TYK2: variants seen among roughly 807,000 people sequenced by gnomAD.
The protein encoded by TYK2 is tyrosine kinase 2.
In TYK2, 65 loss-of-function variants were observed where a neutral mutation model predicts 130.9. The ratio of observed to expected loss-of-function variants is 0.50; its 90% CI spans 0.41 to 0.61. The LOEUF (loss-of-function observed/expected upper bound fraction) is 0.61. Ranked by LOEUF, TYK2 falls within the 20% of genes least tolerant of loss-of-function variation. TYK2 has a pLI of 0.00. For missense variants in TYK2, 1,378 were observed against 1,610.7 expected, an observed-to-expected ratio of 0.86 and a Z score of 2.47; for synonymous variants, 647 against 658.9, an observed-to-expected ratio of 0.98 and a Z score of 0.28.
In TYK2 at chr19:10,364,843, G is replaced by A; in HGVS notation, c.1209+8C>T. The A allele has an allele frequency of 6.2e-7, 1 of 1,614,016 alleles. No individual in the cohort carries two copies. Among genetic ancestry groups the A allele is most frequent in the Non-Finnish European group, 8.5e-7 (1 of 1,180,028 alleles). ...GGGCCCTAGCCCAGCCCCTACCCTG[G>A]GCCTCACCAGGCACTTGTTGTCCTG... On this transcript the variant is annotated splice_region_variant and intron_variant, in intron 8 of 24. Transcript: ENST00000525621. This position sits in a 1 kb window ranked among gnomAD's most constrained non-coding sequence, Gnocchi z 4.9.
At chr19:10,368,262 G>A in intron 4 of TYK2, 33 bp downstream of exon 4, 1 of 1,614,192 alleles carries the variant, frequency 6.2e-7, no homozygotes, top group Non-Finnish European at 8.5e-7. Flanking sequence ...TTCAGCACAG[G>A]AGGGGACGAG....
At position 10,361,408 on chromosome 19, in the gene TYK2, C is replaced by T; in HGVS notation, c.2047+103G>A. 8.0e-6 allele frequency: 9 copies of T among 1,131,108 alleles called. No individual in the cohort carries two copies. Among genetic ancestry groups the T allele is most frequent in the Non-Finnish European group, 1.2e-5 (9 of 777,618 alleles). The allele number at this position is 1,131,108 out of a possible 1,614,324, so 70.1% of individuals were successfully genotyped here. A position where few individuals can be genotyped will look rare whatever the true frequency, so the allele number is the denominator to read the frequency against. On this transcript the variant is annotated intron_variant, in intron 14 of 24. Transcript: ENST00000525621. The surrounding 1 kb of genome is among the most constrained non-coding windows in gnomAD (Gnocchi z 4.0). ...GTACAGGTGAGAGTTGAGAAATAGG[C>T]ATAGGTTGGGGTGTAGGTCGAGGGT...
intron 3 of TYK2, among the ~76,000 whole-genome samples, chr19:10,377,593 T>TA (rs2042188326): frequency 1.4e-5 from 1 of 72,300 alleles, no homozygotes. Flanking sequence ...GATGGATGGA[T>TA]GAATGGATGG....
intron 3 of TYK2, among the ~76,000 whole-genome samples, chr19:10,372,692 T>C (rs1443535084): frequency 1.3e-5 from 2 of 150,346 alleles, no homozygotes; most frequent in Non-Finnish European, 3.0e-5. Flanking sequence ...GGTTTCGCGA[T>C]GTTGCCCAGG....
At position 10,362,252 on chromosome 19, in the gene TYK2, CT is replaced by C. The variant is rs1468735445; in HGVS notation, c.1669+11del. ...TGCCACATCCCACCCAGAGGTCCCC[CT>C]ATCATCGTACCTCCTGGTTGGGGCA... On this transcript the variant is annotated intron_variant, in intron 11 of 24. Transcript: ENST00000525621. The C allele has an allele frequency of 1.9e-6, 3 of 1,613,608 alleles. No individual in the cohort carries two copies. Among genetic ancestry groups the C allele is most frequent in the South Asian group, 1.1e-5 (1 of 91,060 alleles).
intron 2 of TYK2, 73 bp downstream of exon 2, chr19:10,379,542 A>G (rs957319167): frequency 2.0e-5 from 3 of 151,200 alleles, no homozygotes; most frequent in Non-Finnish European, 2.9e-5. Flanking sequence ...TAAATAAATA[A>G]AAAGTAAAAT....
chr19:10,376,954 T>G (rs963995219), intron 3 of TYK2, among the ~76,000 whole-genome samples: 27 of 152,086 alleles, frequency 1.8e-4, no homozygotes, highest in Non-Finnish European at 1.8e-4. Context: ...CAGGCTGGAG[T>G]GCAGTGACGA....
At chr19:10,368,521 C>G (rs1440544713) in intron 3 of TYK2, 103 bp from the exon 4 acceptor site, 5 of 1,539,352 alleles carry the variant, frequency 3.2e-6, no homozygotes, top group Non-Finnish European at 4.4e-6. Flanking sequence ...CTCTGAGGCC[C>G]CCTCCCCCAC....
chr19:10,362,461 C>A lies in TYK2; in HGVS notation c.1477-5G>T. 6.3e-7 allele frequency: 1 copy of A among 1,592,334 alleles called. No homozygotes were observed. The highest frequency in any genetic ancestry group is 1.8e-5 in the Admixed American group (1 of 56,674). On this transcript the variant is annotated splice_polypyrimidine_tract_variant and splice_region_variant and intron_variant, in intron 10 of 24. Coordinates refer to ENST00000525621, the MANE Select transcript of TYK2 (RefSeq NM_003331.5). Reference sequence around the variant, plus strand: ...GCTCTGCATGCCGTCTGGTGCCTGGCAGGAGGTGGCAGAGGTGGGAGCAGT... The same window carrying A: ...GCTCTGCATGCCGTCTGGTGCCTGGAAGGAGGTGGCAGAGGTGGGAGCAGT...
intron 23 of TYK2, 82 bp from the exon 24 acceptor site, chr19:10,351,244 T>C (rs905716558): frequency 2.6e-6 from 3 of 1,147,952 alleles, no homozygotes; most frequent in African/African-American, 3.1e-5. Context: ...CCCAGCACTT[T>C]GGAAGGCTGA....
Position 10,354,760 on chromosome 19 carries a change from T to C in TYK2, c.2618-151A>G, listed in dbSNP as rs189937349. 9.9e-5 allele frequency: 69 copies of C among 700,344 alleles called. 1 individual carries two copies. The highest frequency in any genetic ancestry group is 9.8e-4 in the African/African-American group (56 of 56,916). 43.4% of individuals were successfully genotyped at this position (700,344 alleles called of 1,614,324 possible). A position where few individuals can be genotyped will look rare whatever the true frequency, so the allele number is the denominator to read the frequency against. On this transcript the variant is annotated intron_variant, in intron 18 of 24. Coordinates refer to ENST00000525621, the MANE Select transcript of TYK2 (RefSeq NM_003331.5). ...TGCAACAGCTGAAAGAGTCCACTTA[T>C]TGTACAAAATGATGCAGAGTTGGCT...
chr19:10,379,187 G>A (rs1452686169), intron 2 of TYK2, among the ~76,000 whole-genome samples: 2 of 151,844 alleles, frequency 1.3e-5, no homozygotes, highest in Admixed American at 1.3e-4. Context: ...AATTTAGCCA[G>A]GCGTGGGGGT....
At chr19:10,371,870 T>C (rs1256598249) in intron 3 of TYK2, among the ~76,000 whole-genome samples, 1 of 152,128 alleles carries the variant, frequency 6.6e-6, no homozygotes, top group African/African-American at 2.4e-5. Flanking sequence ...TTCCATATGA[T>C]AAACAAGGCG....
chr19:10,375,274 G>A (rs1324419094), intron 3 of TYK2, among the ~76,000 whole-genome samples: 2 of 152,194 alleles, frequency 1.3e-5, no homozygotes, highest in African/African-American at 4.8e-5. Flanking sequence ...AATGGGGGAG[G>A]TAAGAGGAGT....
Position 10,352,456 on chromosome 19 carries a change from T to A in TYK2, c.3296A>T (p.Asp1099Val). 6.2e-7 allele frequency: 1 copy of A among 1,609,520 alleles called. No individual in the cohort carries two copies. Among genetic ancestry groups the A allele is most frequent in the Non-Finnish European group, 8.5e-7 (1 of 1,177,786 alleles). The change falls in exon 23 of 25, where the codon GAC becomes GTC. Residue 1099 changes from aspartate to valine, a missense_variant. Coordinates refer to ENST00000525621, the MANE Select transcript of TYK2 (RefSeq NM_003331.5). ...CACCGTGGGGGGGCTCTGGCTGGAG[T>A]CACAGTGCGTCAGCAGCTCATACAG... The part of the protein sequence containing the change: ...VTLYELLTHC[D>V]SSQSPPTKFL...
rs2145383468 is a variant in TYK2 at position 10,379,672 on chromosome 19, G to C, written c.-78C>G. On this transcript the variant is annotated 5_prime_UTR_variant, in exon 2 of 25. Transcript: ENST00000525621. ...CTCAAGCAAGCCACTTAGCAATTCTGGGCCTCAGTTTCCCCATCTGGAAAA... is the reference window on the plus strand; with the variant it reads ...CTCAAGCAAGCCACTTAGCAATTCTCGGCCTCAGTTTCCCCATCTGGAAAA... 1 of 152,186 alleles carries C rather than the reference G, an allele frequency of 6.6e-6. No individual in the cohort carries two copies. Among genetic ancestry groups the C allele is most frequent in the South Asian group, 2.1e-4 (1 of 4,824 alleles). The allele number at this position is 152,186 out of a possible 1,614,324, so 9.4% of individuals were successfully genotyped here.
chr19:10,356,385 A>G (rs1036694943), intron 18 of TYK2, among the ~76,000 whole-genome samples, 183 bp downstream of exon 18: 1 of 152,220 alleles, frequency 6.6e-6, no homozygotes, highest in African/African-American at 2.4e-5. Flanking sequence ...TTGCAAATAA[A>G]TAAATAAATA....
At chr19:10,356,021 A>G (rs945316266) in intron 18 of TYK2, among the ~76,000 whole-genome samples, 2 of 152,124 alleles carry the variant, frequency 1.3e-5, no homozygotes, top group Non-Finnish European at 1.5e-5. Context: ...CTTTTTTAAA[A>G]AGAAAAAAAA....
At chr19:10,356,848 G>A in intron 17 of TYK2, 130 bp from the exon 18 acceptor site, 3 of 930,428 alleles carry the variant, frequency 3.2e-6, no homozygotes, top group Non-Finnish European at 5.0e-6. Context: ...ATACAGATGA[G>A]GCAACTGAGG....
Sources: allele counts gnomAD v4.1 joint callset (sites outside exome capture counted in the v4.1 genomes callset), GRCh38; gene constraint gnomAD v4.1.1; non-coding constraint Gnocchi (gnomAD v3.1); transcripts MANE v1.5; gene names NCBI Gene and HGNC (gene_info 2026-07-23, HGNC 2026-07-21).